Variants in PRKAR1A observed in about 807,000 individuals in gnomAD.
PRKAR1A encodes the protein protein kinase cAMP-dependent type I regulatory subunit alpha.
In PRKAR1A, 3 loss-of-function variants were observed where a neutral mutation model predicts 52.0. The ratio of observed to expected loss-of-function variants is 0.06; its 90% CI spans 0.03 to 0.15. The LOEUF is 0.15. Ranked by LOEUF, PRKAR1A falls within the 10% of genes least tolerant of loss-of-function variation. The probability of loss-of-function intolerance (pLI) is 1.00; values close to 1 mark genes in which losing one functional copy is unlikely to be tolerated. For missense variants in PRKAR1A, 240 were observed against 477.4 expected (o/e 0.50, Z 4.63); for synonymous variants, 188 against 168.4 (o/e 1.12, Z -0.90).
the PRKAR1A span, among the ~76,000 whole-genome samples, chr17:68,461,195 CAAAA>C: frequency 6.6e-6 from 1 of 152,030 alleles, no homozygotes; most frequent in African/African-American, 2.4e-5. The surrounding 1 kb of genome is among the most constrained non-coding windows in gnomAD (Gnocchi z 4.6). Context: ...CCCTGAAAAA[CAAAA>C]CAAACAAACA....
the PRKAR1A span, among the ~76,000 whole-genome samples, chr17:68,504,383 C>A: frequency 3.3e-5 from 5 of 152,144 alleles, no homozygotes; most frequent in African/African-American, 1.2e-4. Flanking sequence ...ATGAGAATCA[C>A]TTGAACCCAG....
chr17:68,429,842 GCCT>G, the PRKAR1A span, among the ~76,000 whole-genome samples: 3 of 152,164 alleles, frequency 2.0e-5, no homozygotes, highest in African/African-American at 7.2e-5. Context: ...GCCTGCCTTG[GCCT>G]CCCAAGGTTC....
At chr17:68,426,244 G>GC in the PRKAR1A span, 192 of 985,568 alleles carry the variant, frequency 1.9e-4, 6 homozygotes, top group Non-Finnish European at 2.5e-4. Context: ...CTGGCGGGTG[G>GC]GGAGCGGGGG....
At chr17:68,474,004 G>T in the PRKAR1A span, among the ~76,000 whole-genome samples, 1 of 150,618 alleles carries the variant, frequency 6.6e-6, no homozygotes, top group Non-Finnish European at 1.5e-5. Flanking sequence ...GCATGTATTC[G>T]TTTTTTGATT....
chr17:68,546,351 G>C (rs1379477982), intron 11 of PRKAR1A, among the ~76,000 whole-genome samples: 4 of 151,902 alleles, frequency 2.6e-5, no homozygotes, highest in Non-Finnish European at 5.9e-5. Context: ...CATGGGGATT[G>C]AGATCAATCT....
upstream of PRKAR1A, among the ~76,000 whole-genome samples, chr17:68,510,159 CAGAGAGAGAGAGAG>C (rs35144524): frequency 1.8e-3 from 233 of 127,632 alleles, 1 homozygote; most frequent in Admixed American, 0.016. Context: ...TATATGTAGA[CAGAGAGAGAGAGAG>C]AGAGAGAGAG....
At chr17:68,457,515 T>G in the PRKAR1A span, 1 of 1,011,520 alleles carries the variant, frequency 9.9e-7, no homozygotes, top group Non-Finnish European at 1.3e-6. Flanking sequence ...TCGCCGGTCC[T>G]GCCCCGCCCC....
chr17:68,491,894 C>T, the PRKAR1A span, among the ~76,000 whole-genome samples: 2 of 152,244 alleles, frequency 1.3e-5, no homozygotes, highest in Admixed American at 6.5e-5. Flanking sequence ...GGTCCTGTGG[C>T]ATAACAGGAA....
the PRKAR1A span, among the ~76,000 whole-genome samples, chr17:68,503,840 TATC>T: frequency 6.6e-6 from 1 of 152,076 alleles, no homozygotes; most frequent in Non-Finnish European, 1.5e-5. Context: ...TACAATGAGG[TATC>T]ATAGCACCCC....
the PRKAR1A span, among the ~76,000 whole-genome samples, chr17:68,430,957 C>T: frequency 1.3e-5 from 2 of 152,116 alleles, no homozygotes; most frequent in Non-Finnish European, 2.9e-5. Context: ...TACCAATGGG[C>T]TAGGGGGTCT....
Position 68,530,980 on chromosome 17 carries a change from A to G in PRKAR1A, c.*531A>G. On this transcript the variant is annotated 3_prime_UTR_variant, in exon 11 of 11. Transcript: ENST00000589228. ...GTAATTAAACTAGTTTAAGGGTGGA[A>G]AAATGCCCATTTTTGCTAATTATCA... 4 of 1,076,852 alleles carry G rather than the reference A, an allele frequency of 3.7e-6. No homozygotes were observed. Among genetic ancestry groups the G allele is most frequent in the Non-Finnish European group, 4.5e-6 (4 of 885,048 alleles). 66.7% of individuals were successfully genotyped at this position (1,076,852 alleles called of 1,614,324 possible).
chr17:68,514,326 A>G (rs2085362815), intron 1 of PRKAR1A, among the ~76,000 whole-genome samples: 1 of 152,222 alleles, frequency 6.6e-6, no homozygotes, highest in Non-Finnish European at 1.5e-5. Context: ...TTATAATTGG[A>G]AAAGTCTGAT....
chr17:68,548,223 G>A (rs1350439739), intron 11 of PRKAR1A, among the ~76,000 whole-genome samples: 9 of 152,082 alleles, frequency 5.9e-5, no homozygotes, highest in Admixed American at 3.9e-4. Flanking sequence ...GTGAAACCCC[G>A]TCTCTACTAA....
At chr17:68,439,460 T>A in the PRKAR1A span, among the ~76,000 whole-genome samples, 40 of 152,068 alleles carry the variant, frequency 2.6e-4, no homozygotes, top group Non-Finnish European at 5.4e-4. Flanking sequence ...GAAAGTAGAT[T>A]AGGGGTTGCC....
the PRKAR1A span, chr17:68,457,648 A>T: frequency 3.2e-6 from 1 of 313,202 alleles, no homozygotes; most frequent in East Asian, 6.3e-5. Flanking sequence ...GCTGGTCCCG[A>T]GGACCAGAGC....
At chr17:68,494,858 G>T in the PRKAR1A span, among the ~76,000 whole-genome samples, 1 of 152,020 alleles carries the variant, frequency 6.6e-6, no homozygotes, top group African/African-American at 2.4e-5. Context: ...CCCCTAGCTG[G>T]GCCTGCCAAA....
the PRKAR1A span, among the ~76,000 whole-genome samples, chr17:68,498,725 C>T: frequency 2.6e-5 from 4 of 152,242 alleles, no homozygotes; most frequent in Admixed American, 2.6e-4. Context: ...CCGCTTGCTT[C>T]CTGTGCTGGC....
intron 11 of PRKAR1A, chr17:68,539,523 G>T: frequency 1.2e-6 from 1 of 808,038 alleles, no homozygotes; most frequent in Non-Finnish European, 2.1e-6. Context: ...CATGGCAGCT[G>T]CCTCTCCAGC....
At chr17:68,523,978 CAT>C (rs772091007) in intron 4 of PRKAR1A, 36 bp from the exon 5 acceptor site, 13 of 1,608,266 alleles carry the variant, frequency 8.1e-6, no homozygotes, top group African/African-American at 2.7e-5. Context: ...ACGGAAGAGA[CAT>C]GTGAAATGTA....
Sources: allele counts gnomAD v4.1 joint callset (sites outside exome capture counted in the v4.1 genomes callset), GRCh38; gene constraint gnomAD v4.1.1; non-coding constraint Gnocchi (gnomAD v3.1); transcripts MANE v1.5; gene names NCBI Gene and HGNC (gene_info 2026-07-23, HGNC 2026-07-21).